Variants in RS1 observed in about 807,000 individuals in gnomAD.
RS1 encodes the protein retinoschisin.
In RS1, 2 loss-of-function variants were observed where a neutral mutation model predicts 20.8. The observed-to-expected ratio is 0.10, with a 90% CI of 0.04 to 0.30. The LOEUF is 0.30. Among genes scored for constraint, RS1 ranks in the 10% least tolerant of loss-of-function variants. The pLI, the probability that RS1 is intolerant of heterozygous loss-of-function variation, is 1.00. For synonymous variants in RS1, 70 were observed against 75.8 expected (o/e 0.92, Z 0.40); for missense variants, 151 against 189.8 (o/e 0.80, Z 1.20).
chrX:18,664,394 G>A (rs997011072), intron 1 of RS1, among the ~76,000 whole-genome samples: 6 of 112,218 alleles, frequency 5.3e-5, no homozygotes, highest in Non-Finnish European at 1.1e-4. Context: ...TTGGGAGGCC[G>A]AGGCAGGCAG....
intron 3 of RS1, among the ~76,000 whole-genome samples, chrX:18,656,015 C>T (rs1167297522): frequency 8.9e-5 from 6 of 67,761 alleles, no homozygotes; most frequent in Non-Finnish European, 1.3e-4. Flanking sequence ...TTTTTTGAGA[C>T]AGCCTCTCGC....
chrX:18,643,177 C>T (rs1359306053), intron 5 of RS1, among the ~76,000 whole-genome samples: 1 of 111,420 alleles, frequency 9.0e-6, no homozygotes, highest in African/African-American at 3.3e-5. Context: ...GGGTGTTTGA[C>T]GCCATTTCCA....
intron 5 of RS1, among the ~76,000 whole-genome samples, chrX:18,642,720 A>G (rs1429122769): frequency 8.9e-6 from 1 of 112,471 alleles, no homozygotes; most frequent in Non-Finnish European, 1.9e-5. Context: ...GTACCTTTCC[A>G]ACTTGGAAAA....
At chrX:18,646,532 A>G (rs1927780308) in intron 4 of RS1, among the ~76,000 whole-genome samples, 1 of 112,563 alleles carries the variant, frequency 8.9e-6, no homozygotes, top group Non-Finnish European at 1.9e-5. Context: ...TTGTTACAAC[A>G]GCATGAACAT....
At position 18,642,645 on chromosome X, in the gene RS1, G is replaced by A. The variant is rs147925622; in HGVS notation, c.523-489C>T. ...CAAAGTAGGGCTCAAGTGAAAACCC[G>A]TGCTTGGCTCAGGAGTTGTAAGCCA... On this transcript the variant is annotated intron_variant, in intron 5 of 5. Transcript: ENST00000379984. 4.1e-3 allele frequency among the ~76,000 whole-genome samples: 466 copies of A among 112,556 alleles called. 1 individual carries two copies. The Middle Eastern group carries it at 0.046, about 11-fold the overall frequency.
intron 4 of RS1, 94 bp downstream of exon 4, chrX:18,647,097 A>T (rs1020997773): frequency 9.8e-7 from 1 of 1,018,087 alleles, no homozygotes. Context: ...TTGTATTTTT[A>T]GTAGAGACGG....
In RS1 at chrX:18,650,012, TGA is replaced by T; in HGVS notation, c.185-2682_185-2681del. On this transcript the variant is annotated intron_variant, in intron 3 of 5. Coordinates refer to ENST00000379984, the MANE Select transcript of RS1 (RefSeq NM_000330.4). ...CCGCCCCGCTCAGGGCTACTAGCTC[TGA>T]GAGAGTAGGCAGAGGGGAAGGGAAA... 2.0e-5 allele frequency: 5 copies of T among 253,644 alleles called. No individual in the cohort carries two copies. The South Asian group carries it at 2.2e-4, about 11-fold the overall frequency. 20.9% of individuals were successfully genotyped at this position (253,644 alleles called of 1,213,427 possible). A position where few individuals can be genotyped will look rare whatever the true frequency, so the allele number is the denominator to read the frequency against.
intron 1 of RS1, among the ~76,000 whole-genome samples, chrX:18,665,109 T>C (rs1426980996): frequency 8.9e-6 from 1 of 111,958 alleles, no homozygotes; most frequent in Non-Finnish European, 1.9e-5. Flanking sequence ...TTTTCCTAAA[T>C]CCCTACCATC....
At chrX:18,654,455 G>A (rs1928175057) in intron 3 of RS1, among the ~76,000 whole-genome samples, 1 of 111,827 alleles carries the variant, frequency 8.9e-6, no homozygotes, top group Admixed American at 9.5e-5. Context: ...GAACTTACTT[G>A]GAATGGAATT....
intron 3 of RS1, chrX:18,650,312 C>T (rs1018915709): frequency 1.8e-5 from 14 of 789,893 alleles, no homozygotes; most frequent in Middle Eastern, 3.4e-4. Context: ...GGGAAGGTGA[C>T]GCTCTCACTG....
In RS1 at chrX:18,671,888, T is replaced by C. The variant is rs553095350; in HGVS notation, c.52+129A>G. Reference sequence around the variant, plus strand: ...ACAACTGTTGTTCATTAATAACACATGTTAGTTAATTAACGTGTTGCTAAT... The same window carrying C: ...ACAACTGTTGTTCATTAATAACACACGTTAGTTAATTAACGTGTTGCTAAT... On this transcript the variant is annotated intron_variant, in intron 1 of 5. Transcript: ENST00000379984. The C allele has an allele frequency of 3.5e-4, 208 of 602,224 alleles. 1 individual carries two copies. The South Asian group carries it at 4.9e-3, about 14-fold the overall frequency. The allele number at this position is 602,224 out of a possible 1,213,427, so 49.6% of individuals were successfully genotyped here. A position where few individuals can be genotyped will look rare whatever the true frequency, so the allele number is the denominator to read the frequency against.
chrX:18,661,075 C>A (rs768405402), intron 1 of RS1, among the ~76,000 whole-genome samples: 1 of 112,194 alleles, frequency 8.9e-6, no homozygotes, highest in South Asian at 3.7e-4. Context: ...ATCTTTGTAG[C>A]AGGCCACCAG....
chrX:18,646,726 C>T (rs1047654082), intron 4 of RS1, among the ~76,000 whole-genome samples: 3 of 110,906 alleles, frequency 2.7e-5, no homozygotes, highest in East Asian at 5.7e-4. Context: ...GGTATCATCC[C>T]GACTCAGGGC....
chrX:18,654,258 G>A (rs952885929), intron 3 of RS1, among the ~76,000 whole-genome samples: 2 of 107,179 alleles, frequency 1.9e-5, no homozygotes, highest in Non-Finnish European at 3.8e-5. Context: ...GGGCTCAAGC[G>A]ATCTTCCCAC....
intron 3 of RS1, among the ~76,000 whole-genome samples, chrX:18,651,141 C>T (rs1002420969): frequency 5.8e-5 from 6 of 103,248 alleles, no homozygotes; most frequent in East Asian, 3.0e-4. Context: ...CCGCACCCCC[C>T]GCCACACCCT....
At chrX:18,667,002 C>G (rs930010708) in intron 1 of RS1, among the ~76,000 whole-genome samples, 3 of 111,771 alleles carry the variant, frequency 2.7e-5, no homozygotes, top group South Asian at 3.8e-4. Context: ...GGCAGCCAGA[C>G]AGATGCTTCT....
At chrX:18,643,468 C>G (rs1927658245) in intron 5 of RS1, among the ~76,000 whole-genome samples, 1 of 112,433 alleles carries the variant, frequency 8.9e-6, no homozygotes, top group Non-Finnish European at 1.9e-5. Flanking sequence ...CCAGATTGCA[C>G]AAGTGCAGGG....
At chrX:18,653,688 GCC>G (rs1183564607) in intron 3 of RS1, 87 of 859,675 alleles carry the variant, frequency 1.0e-4, no homozygotes, top group Non-Finnish European at 6.7e-5. Flanking sequence ...AAAAACCAGG[GCC>G]AGGTGCAGTG....
chrX:18,647,426 G>A (rs923213442), intron 3 of RS1, 94 bp from the exon 4 acceptor site: 24 of 985,175 alleles, frequency 2.4e-5, no homozygotes, highest in South Asian at 2.4e-4. Flanking sequence ...TCTGCTTTGC[G>A]CTTCGGAGAC....
Sources: gnomAD v4.1 joint callset for allele counts (sites outside exome capture counted in the v4.1 genomes callset) on GRCh38, gnomAD v4.1.1 for gene constraint, MANE v1.5 for transcripts, NCBI Gene and HGNC (gene_info 2026-07-23, HGNC 2026-07-21) for gene names.